Variants in KCNAB3 observed in about 807,000 individuals in gnomAD.
The protein encoded by KCNAB3 is voltage-gated potassium channel subunit beta-3.
Under a neutral mutation model 67.7 loss-of-function variants are expected in KCNAB3, and 62 were observed. That is an observed-to-expected ratio of 0.92 (90% confidence interval 0.75 to 1.13). The LOEUF is 1.13. KCNAB3 is among the 50% of genes most tolerant of loss of function. KCNAB3 has a pLI of 0.00. For synonymous variants in KCNAB3, 212 were observed against 205.4 expected (o/e 1.03, Z -0.27); for missense variants, 514 against 522.9 (o/e 0.98, Z 0.17).
chr17:7,928,524 A>G (rs752732710), intron 1 of KCNAB3, among the ~76,000 whole-genome samples: 51 of 152,000 alleles, frequency 3.4e-4, no homozygotes, highest in Non-Finnish European at 6.0e-4. Flanking sequence ...AGGGGATCAG[A>G]TTCCTCAGGT....
rs767853070 is a variant in KCNAB3 at position 7,927,707 on chromosome 17, A to G, written c.287-13T>C. 5 of 1,614,100 alleles carry G rather than the reference A, an allele frequency of 3.1e-6. No homozygotes were observed. Among genetic ancestry groups the G allele is most frequent in the East Asian group, 4.5e-5 (2 of 44,896 alleles). ...GTGACCCAGGTACCTGCAAGAGAGA[A>G]GCCAGGCACATGAGAACTGCAGGGG... On this transcript the variant is annotated splice_polypyrimidine_tract_variant and intron_variant, in intron 2 of 13. Coordinates refer to ENST00000303790, the MANE Select transcript of KCNAB3 (RefSeq NM_004732.4).
In KCNAB3 at chr17:7,929,843, A is replaced by G. The variant is rs1388821698; in HGVS notation, c.-408T>C. ...CCGCTGGGCTCCCAGCCGCGTCGGC[A>G]GCGGGCCCAGCTCATCAGCATGCAG... On this transcript the variant is annotated 5_prime_UTR_variant, in exon 1 of 14. Coordinates refer to ENST00000303790, the MANE Select transcript of KCNAB3 (RefSeq NM_004732.4). This position sits in a 1 kb window ranked among gnomAD's most constrained non-coding sequence, Gnocchi z 5.7. 2.8e-6 allele frequency: 3 copies of G among 1,076,450 alleles called. No individual in the cohort carries two copies. Among genetic ancestry groups the G allele is most frequent in the Admixed American group, 5.0e-5 (1 of 20,036 alleles). 66.7% of individuals were successfully genotyped at this position (1,076,450 alleles called of 1,614,324 possible).
chr17:7,927,356 T>C lies in KCNAB3; in HGVS notation c.392A>G (p.Tyr131Cys), dbSNP rs781474728. The change falls in exon 4 of 14, where the codon TAC (tyrosine) becomes TGC (cysteine). Residue 131 changes from tyrosine (Y) to cysteine (C), a missense_variant. Tyr to Cys is a radical substitution (Grantham distance 194). Transcript: ENST00000303790. ...GVNLFDTAEV[Y>C]AAGKAERTLG... ...CCCCAGTCCTTACTTTCCTGCTGCG[T>C]ACACTTCGGCGGTGTCAAACAGGTT... is the stretch of plus-strand genomic sequence containing the variant. 11 of 1,613,758 alleles carry C rather than the reference T, an allele frequency of 6.8e-6. No homozygotes were observed. In the Admixed American group the frequency reaches 1.8e-4, roughly 27 times the overall value.
chr17:7,924,397 G>A lies in KCNAB3; in HGVS notation c.711+18C>T, dbSNP rs751428211. The A allele has an allele frequency of 1.9e-6, 3 of 1,612,140 alleles. No homozygotes were observed. The highest frequency in any genetic ancestry group is 2.5e-6 in the Non-Finnish European group (3 of 1,178,592). On this transcript the variant is annotated intron_variant, in intron 9 of 13. Transcript: ENST00000303790. ...GAACCAGTTGTGGGACAGGGGCAAGGTGGGGTCACACACTCACCATGATTT... is the reference window on the plus strand; with the variant it reads ...GAACCAGTTGTGGGACAGGGGCAAGATGGGGTCACACACTCACCATGATTT...
intron 11 of KCNAB3, 66 bp from the exon 12 acceptor site, chr17:7,923,897 C>T: frequency 5.8e-6 from 9 of 1,562,032 alleles, no homozygotes; most frequent in African/African-American, 1.4e-5. Flanking sequence ...ACTCACAAAG[C>T]AGCCCCCCGT....
At position 7,923,819 on chromosome 17, in the gene KCNAB3, G is replaced by C; in HGVS notation, c.940C>G (p.Leu314Val). The change falls in exon 12 of 14, where the codon CTC (leucine) becomes GTC (valine). Residue 314 changes from leucine to valine, a missense_variant. Coordinates refer to ENST00000303790, the MANE Select transcript of KCNAB3 (RefSeq NM_004732.4). ...TCTTCACTCTGCACTTTGTCCTTGAGCCACTGGTAGCCCTGGAGGCCAAGA... is the reference window on the plus strand; with the variant it reads ...TCTTCACTCTGCACTTTGTCCTTGACCCACTGGTAGCCCTGGAGGCCAAGA... ...CRASIKGYQW[L>V]KDKVQSEDGK... 1 of 1,574,736 alleles carries C rather than the reference G, an allele frequency of 6.4e-7. No homozygotes were observed.
chr17:7,927,807 GA>G lies in KCNAB3; in HGVS notation c.261del (p.Leu88PhefsTer8), dbSNP rs1261090605. The G allele has an allele frequency of 3.7e-6, 6 of 1,614,140 alleles. No individual in the cohort carries two copies. Among genetic ancestry groups the G allele is most frequent in the Non-Finnish European group, 5.1e-6 (6 of 1,180,034 alleles). On this transcript the variant is annotated frameshift_variant, in exon 2 of 14. Transcript: ENST00000303790. LOFTEE classifies it high-confidence loss of function. ...CCTAGGCCAAGACAGGATACCCGAA[GA>G]CCAGACTTCCCTAGGTTCCTGCAAG... ...GMKYRNLGKS[G>X]LRVSCLGLGT... is the part of the protein sequence containing the mutation.
chr17:7,926,913 G>A (rs948200640), intron 4 of KCNAB3, among the ~76,000 whole-genome samples: 2 of 152,120 alleles, frequency 1.3e-5, no homozygotes, highest in African/African-American at 4.8e-5. Context: ...GGGGGAGGGG[G>A]TGACCAACTC....
intron 1 of KCNAB3, among the ~76,000 whole-genome samples, chr17:7,928,902 C>G (rs1217915594): frequency 6.6e-6 from 1 of 152,122 alleles, no homozygotes; most frequent in Non-Finnish European, 1.5e-5. Context: ...ATCCGTGTAG[C>G]GTGGAGATCC....
rs772078283 is a variant in KCNAB3, at chr17:7,925,700, C to A, written c.521G>T (p.Arg174Leu). The part of the protein sequence containing the change: ...GQAETERGLS[R>L]KHIIEGLRGS... ...ACTCTCACCCTCAATGATGTGCTTT[C>A]GGCTTAAACCTCGCTCGGTTTCTGC... is the stretch of plus-strand genomic sequence containing the variant. The change falls in exon 7 of 14, where the codon CGA becomes CTA. Residue 174 changes from arginine to leucine, a missense_variant. Physicochemically the swap from Arg to Leu is moderately radical, Grantham distance 102 (BLOSUM62 -2). Transcript: ENST00000303790. 6.2e-7 allele frequency: 1 copy of A among 1,614,040 alleles called. No individual in the cohort carries two copies. Among genetic ancestry groups the A allele is most frequent in the Non-Finnish European group, 8.5e-7 (1 of 1,180,018 alleles).
In KCNAB3 at chr17:7,923,414, G is replaced by A. The variant is rs369413680; in HGVS notation, c.1137+42C>T. ...TGGATAGCGTGGCTTTGACTCCTGG[G>A]GAGGGGGACAGATAGGCTCTGCCTC... On this transcript the variant is annotated intron_variant, in intron 13 of 13. Coordinates refer to ENST00000303790, the MANE Select transcript of KCNAB3 (RefSeq NM_004732.4). The A allele has an allele frequency of 3.4e-5, 54 of 1,571,398 alleles. No individual in the cohort carries two copies. The African/African-American group carries it at 6.3e-4, about 18-fold the overall frequency.
chr17:7,929,585 C>T lies in KCNAB3; in HGVS notation c.-150G>A, dbSNP rs960829118. The T allele has an allele frequency of 4.2e-6, 6 of 1,436,166 alleles. No individual in the cohort carries two copies. Among genetic ancestry groups the T allele is most frequent in the Non-Finnish European group, 3.6e-6 (4 of 1,104,408 alleles). The allele number at this position is 1,436,166 out of a possible 1,614,324, so 89.0% of individuals were successfully genotyped here. A position where few individuals can be genotyped will look rare whatever the true frequency, so the allele number is the denominator to read the frequency against. ...TGCGGCGGGAGCCGCCAGGCAGGAT[C>T]GGGCCCGCGGGGGCGGGCTGCTGGA... On this transcript the variant is annotated 5_prime_UTR_variant, in exon 1 of 14. Transcript: ENST00000303790. The surrounding 1 kb of genome is among the most constrained non-coding windows in gnomAD (Gnocchi z 5.7).
chr17:7,923,447 C>T lies in KCNAB3; in HGVS notation c.1137+9G>A. The stretch of plus-strand genomic sequence containing the variant: ...ACAGATAGGCTCTGCCTCTGAGTCC[C>T]CGGCTCACCTGTAGCGCGCCCAGGT... On this transcript the variant is annotated intron_variant, in intron 13 of 13. Transcript: ENST00000303790. 2 of 1,605,168 alleles carry T rather than the reference C, an allele frequency of 1.2e-6. No homozygotes were observed. The highest frequency in any genetic ancestry group is 1.7e-6 in the Non-Finnish European group (2 of 1,176,034).
intron 1 of KCNAB3, chr17:7,928,114 T>A (rs1021510840): frequency 3.6e-6 from 2 of 552,992 alleles, no homozygotes. Flanking sequence ...TTTGTCCTTC[T>A]TCTGGGGTCT....
chr17:7,927,029 G>T (rs1389332650), intron 4 of KCNAB3: 1 of 333,304 alleles, frequency 3.0e-6, no homozygotes, highest in African/African-American at 2.1e-5. Context: ...GTCATCCTAG[G>T]TTTTCCCTGC....
In KCNAB3 at chr17:7,925,627, C is replaced by T. The variant is rs878924990; in HGVS notation, c.538+56G>A. ...CCTCCAGAAGTTCAGAGAATGTTCC[C>T]TACTCCTCTGGCTTCCATATCCCCT... On this transcript the variant is annotated intron_variant, in intron 7 of 13. Transcript: ENST00000303790. 15 of 1,564,206 alleles carry T rather than the reference C, an allele frequency of 9.6e-6. 1 individual carries two copies. The highest frequency in any genetic ancestry group is 1.7e-4 in the Middle Eastern group (1 of 5,996).
intron 4 of KCNAB3, 147 bp downstream of exon 4, chr17:7,927,197 T>C (rs1972260415): frequency 2.7e-6 from 2 of 748,082 alleles, no homozygotes; most frequent in South Asian, 1.5e-5. Context: ...CTGTAGCTCC[T>C]ACAGTGCTTT....
At chr17:7,926,476 C>T (rs561584351) in intron 4 of KCNAB3, among the ~76,000 whole-genome samples, 61 of 152,264 alleles carry the variant, frequency 4.0e-4, no homozygotes, top group Middle Eastern at 3.4e-3. Context: ...AAATCCCACC[C>T]GTCCTCCAAA....
chr17:7,924,746 T>C, intron 8 of KCNAB3: 9 of 1,281,586 alleles, frequency 7.0e-6, no homozygotes, highest in Non-Finnish European at 9.0e-6. Flanking sequence ...TCAATTTTTG[T>C]ATTTTAGATT....
Sources: gnomAD v4.1 joint callset for allele counts (sites outside exome capture counted in the v4.1 genomes callset) on GRCh38, gnomAD v4.1.1 for gene constraint, Gnocchi (gnomAD v3.1) non-coding constraint, MANE v1.5 for transcripts, NCBI Gene and HGNC (gene_info 2026-07-23, HGNC 2026-07-21) for gene names.